Variants in UBE2QL1 observed in about 807,000 individuals in gnomAD.
UBE2QL1 encodes ubiquitin conjugating enzyme E2 QL1.
UBE2QL1 carries 5 observed loss-of-function variants against 12.6 expected under a neutral mutation model. The ratio of observed to expected loss-of-function variants is 0.40; its 90% CI spans 0.21 to 0.83. The LOEUF is 0.83. Ranked by LOEUF, UBE2QL1 falls within the 40% of genes least tolerant of loss-of-function variation. UBE2QL1 has a pLI of 0.37. For synonymous variants in UBE2QL1, 96 were observed against 94.5 expected (o/e 1.02, Z -0.10); for missense variants, 99 against 222.6 (o/e 0.44, Z 3.53).
intron 1 of UBE2QL1, among the ~76,000 whole-genome samples, chr5:6,460,784 A>G (rs1739636274): frequency 1.3e-5 from 2 of 152,300 alleles, no homozygotes; most frequent in African/African-American, 4.8e-5. Flanking sequence ...TATTTAAAAC[A>G]TTTACCTCTG....
rs559283660 is a variant in UBE2QL1, at chr5:6,463,776, C to T, written c.354+14529C>T. 3.1e-3 allele frequency among the ~76,000 whole-genome samples: 470 copies of T among 149,726 alleles called. 4 individuals are homozygous for T. Among genetic ancestry groups the T allele is most frequent in the Non-Finnish European group, 5.1e-3 (345 of 67,552 alleles). On this transcript the variant is annotated intron_variant, in intron 1 of 1. Transcript: ENST00000399816. ...CCGAGTAGCTGGGACTACAGGCGCCCGCCACCATGCCTGGCTAATTTTTTG... is the reference window on the plus strand; with the variant it reads ...CCGAGTAGCTGGGACTACAGGCGCCTGCCACCATGCCTGGCTAATTTTTTG...
chr5:6,464,611 A>G (rs272479), intron 1 of UBE2QL1, among the ~76,000 whole-genome samples: 43,667 of 152,106 alleles, frequency 0.29, 6,879 homozygotes, highest in East Asian at 0.54. Flanking sequence ...GAGATGACTT[A>G]CGGCGCTCAG....
intron 1 of UBE2QL1, among the ~76,000 whole-genome samples, chr5:6,472,579 C>T (rs1217112824): frequency 6.6e-6 from 1 of 152,160 alleles, no homozygotes; most frequent in Non-Finnish European, 1.5e-5. Flanking sequence ...CAGGTCTCTT[C>T]TTTAGACATC....
At chr5:6,460,620 G>GA (rs1739632095) in intron 1 of UBE2QL1, among the ~76,000 whole-genome samples, 1 of 152,286 alleles carries the variant, frequency 6.6e-6, no homozygotes, top group Admixed American at 6.5e-5. Context: ...TGATTTATGG[G>GA]ATTATGTTAT....
intron 1 of UBE2QL1, among the ~76,000 whole-genome samples, chr5:6,469,959 A>G (rs1223236218): frequency 2.0e-5 from 3 of 152,176 alleles, no homozygotes; most frequent in Non-Finnish European, 4.4e-5. Flanking sequence ...CACAGAGGAC[A>G]TTCGGTGATG....
intron 1 of UBE2QL1, among the ~76,000 whole-genome samples, chr5:6,466,433 T>TG (rs956820354): frequency 1.3e-5 from 2 of 152,216 alleles, no homozygotes; most frequent in African/African-American, 4.8e-5. Context: ...GTGGGCCTCC[T>TG]GGGGGGCTGT....
intron 1 of UBE2QL1, among the ~76,000 whole-genome samples, chr5:6,454,989 G>A (rs974223996): frequency 1.3e-5 from 2 of 152,316 alleles, no homozygotes; most frequent in Middle Eastern, 3.4e-3. Flanking sequence ...CCCCACACCC[G>A]CTTGGAGAGC....
intron 1 of UBE2QL1, among the ~76,000 whole-genome samples, chr5:6,461,979 G>A (rs138758202): frequency 9.1e-4 from 139 of 152,328 alleles, no homozygotes; most frequent in African/African-American, 3.2e-3. Flanking sequence ...GGTGAACACA[G>A]CAGGCTTTGC....
chr5:6,495,209 A>T lies in UBE2QL1; in HGVS notation c.*3860A>T, dbSNP rs1399654671. 6.6e-6 allele frequency among the ~76,000 whole-genome samples: 1 copy of T among 152,180 alleles called. No individual in the cohort carries two copies. The highest frequency in any genetic ancestry group is 2.4e-5 in the African/African-American group (1 of 41,450). On this transcript the variant is annotated 3_prime_UTR_variant, in exon 2 of 2. Coordinates refer to ENST00000399816, the MANE Select transcript of UBE2QL1 (RefSeq NM_001145161.3). ...CCTCTCACCTGCAGAGTCCCTATTC[A>T]TGGAGCTGATTTCAGGAAGCAGGAC...
At chr5:6,483,849 A>G (rs997540132) in intron 1 of UBE2QL1, among the ~76,000 whole-genome samples, 2 of 151,890 alleles carry the variant, frequency 1.3e-5, no homozygotes, top group South Asian at 2.1e-4. Flanking sequence ...CCACCACCCA[A>G]TGCACTGTCC....
intron 1 of UBE2QL1, among the ~76,000 whole-genome samples, chr5:6,470,607 A>G (rs1739891995): frequency 6.6e-6 from 1 of 152,184 alleles, no homozygotes. Flanking sequence ...AGGTGTGCAC[A>G]TCTTTTCTCA....
intron 1 of UBE2QL1, among the ~76,000 whole-genome samples, chr5:6,463,665 T>C (rs1739724464): frequency 1.3e-5 from 2 of 149,910 alleles, no homozygotes; most frequent in South Asian, 4.2e-4. Flanking sequence ...TCTTGCTCTG[T>C]CGCCCAGGCT....
intron 1 of UBE2QL1, among the ~76,000 whole-genome samples, chr5:6,457,901 G>A (rs1025944481): frequency 1.3e-5 from 2 of 152,214 alleles, no homozygotes; most frequent in African/African-American, 4.8e-5. Flanking sequence ...ACGAGAGGAC[G>A]GATGGTGCAT....
At chr5:6,486,843 T>C (rs981599214) in intron 1 of UBE2QL1, among the ~76,000 whole-genome samples, 4 of 152,138 alleles carry the variant, frequency 2.6e-5, no homozygotes, top group African/African-American at 9.7e-5. Flanking sequence ...ACTCATGGGG[T>C]GCCACTAGCA....
At chr5:6,484,408 C>T (rs886426701) in intron 1 of UBE2QL1, among the ~76,000 whole-genome samples, 3 of 152,166 alleles carry the variant, frequency 2.0e-5, no homozygotes, top group Non-Finnish European at 4.4e-5. Flanking sequence ...ATGGCACCCT[C>T]AGGCCACACG....
chr5:6,482,784 G>A (rs568472654), intron 1 of UBE2QL1, among the ~76,000 whole-genome samples: 1 of 152,306 alleles, frequency 6.6e-6, no homozygotes, highest in African/African-American at 2.4e-5. Flanking sequence ...ACTCTGCGGT[G>A]CACATGGTCA....
chr5:6,464,913 C>T (rs1041644782), intron 1 of UBE2QL1, among the ~76,000 whole-genome samples: 5 of 152,150 alleles, frequency 3.3e-5, no homozygotes, highest in African/African-American at 1.2e-4. Flanking sequence ...ACCAATAGCA[C>T]CCTCATGTAT....
At chr5:6,451,259 T>A (rs1739407778) in intron 1 of UBE2QL1, among the ~76,000 whole-genome samples, 2 of 151,490 alleles carry the variant, frequency 1.3e-5, no homozygotes, top group Non-Finnish European at 2.9e-5. Flanking sequence ...TTTTTTTTTT[T>A]AAGAGAGAGA....
chr5:6,461,863 A>C (rs1288890117), intron 1 of UBE2QL1, among the ~76,000 whole-genome samples: 1 of 152,102 alleles, frequency 6.6e-6, no homozygotes, highest in Non-Finnish European at 1.5e-5. Flanking sequence ...CCAGTCACAC[A>C]CCGTTTAGAG....
Sources: gnomAD v4.1 joint callset for allele counts (sites outside exome capture counted in the v4.1 genomes callset) on GRCh38, gnomAD v4.1.1 for gene constraint, MANE v1.5 for transcripts, NCBI Gene and HGNC (gene_info 2026-07-23, HGNC 2026-07-21) for gene names.